ASB4: variants seen among roughly 807,000 people sequenced by gnomAD.
ASB4 encodes ankyrin repeat and SOCS box containing 4.
ASB4 carries 35 observed loss-of-function variants against 38.6 expected under a neutral mutation model. The ratio of observed to expected loss-of-function variants is 0.91; its 90% CI spans 0.69 to 1.20. The LOEUF is 1.20. Ranked by LOEUF, ASB4 falls within the 50% of genes most tolerant of loss-of-function variation. The probability of loss-of-function intolerance (pLI) is 0.00; values close to 1 mark genes in which losing one functional copy is unlikely to be tolerated. For missense variants in ASB4, 557 were observed against 527.2 expected, an observed-to-expected ratio of 1.06 and a Z score of -0.55; for synonymous variants, 195 against 201.3, an observed-to-expected ratio of 0.97 and a Z score of 0.26.
chr7:95,484,498 A>G (rs1226648875), upstream of ASB4, among the ~76,000 whole-genome samples: 1 of 152,212 alleles, frequency 6.6e-6, no homozygotes, highest in African/African-American at 2.4e-5. Flanking sequence ...TTGTTCACTA[A>G]AAATTTGACA....
intron 3 of ASB4, among the ~76,000 whole-genome samples, chr7:95,530,864 A>G (rs1280925084): frequency 2.0e-5 from 3 of 152,218 alleles, no homozygotes; most frequent in African/African-American, 7.2e-5. Context: ...GCAATAATTT[A>G]GATGAGAGAT....
At chr7:95,500,846 T>G (rs1224230938) in intron 2 of ASB4, among the ~76,000 whole-genome samples, 3 of 152,168 alleles carry the variant, frequency 2.0e-5, no homozygotes, top group Non-Finnish European at 4.4e-5. Flanking sequence ...TAGATAATAG[T>G]GACCTGTGAC....
intron 2 of ASB4, among the ~76,000 whole-genome samples, chr7:95,497,021 A>T (rs1432062770): frequency 6.6e-6 from 1 of 152,132 alleles, no homozygotes; most frequent in African/African-American, 2.4e-5. Context: ...TACTATGACC[A>T]GAGTATCATG....
chr7:95,484,830 A>G (rs967253023), upstream of ASB4, among the ~76,000 whole-genome samples: 3 of 152,030 alleles, frequency 2.0e-5, no homozygotes, highest in African/African-American at 7.2e-5. Context: ...TTTTATTTGA[A>G]AAATTTCAAA....
upstream of ASB4, among the ~76,000 whole-genome samples, chr7:95,478,122 T>A (rs985945071): frequency 1.3e-5 from 2 of 152,212 alleles, no homozygotes; most frequent in Non-Finnish European, 2.9e-5. Context: ...AAGGGAAGGA[T>A]AATTTTTTTT....
intron 1 of ASB4, among the ~76,000 whole-genome samples, chr7:95,491,339 C>A (rs1009306017): frequency 2.0e-5 from 3 of 152,118 alleles, no homozygotes; most frequent in African/African-American, 7.2e-5. Context: ...CATGGGGTAG[C>A]GTGTGAGTGG....
At chr7:95,543,935 T>C (rs1270144359), downstream of ASB4, 1 of 152,196 alleles carries the variant, frequency 6.6e-6, no homozygotes, top group African/African-American at 2.4e-5. Flanking sequence ...GTATTCATCA[T>C]TTTTAGAGCA....
rs1211583156 is a variant in ASB4 at position 95,527,741 on chromosome 7, C to CTTG, written c.488-69_488-67dup. The CTTG allele has an allele frequency of 4.3e-6, 6 of 1,394,098 alleles. No individual in the cohort carries two copies. In the Admixed American group the frequency reaches 1.1e-4, roughly 26 times the overall value. The allele number at this position is 1,394,098 out of a possible 1,614,324, so 86.4% of individuals were successfully genotyped here. A position where few individuals can be genotyped will look rare whatever the true frequency, so the allele number is the denominator to read the frequency against. On this transcript the variant is annotated intron_variant, in intron 2 of 4. Coordinates refer to ENST00000325885, the MANE Select transcript of ASB4 (RefSeq NM_016116.3). Reference sequence around the variant, plus strand: ...TTAAAAGAGAAGCAGTGAGAAAAGTCTTGTTTAATGAACCTTAGGAATAAT... The same window carrying CTTG: ...TTAAAAGAGAAGCAGTGAGAAAAGTCTTGTTGTTTAATGAACCTTAGGAATAAT...
rs535034589 is a variant in ASB4 at position 95,491,622 on chromosome 7, C to T, written c.188-4136C>T. ...TCTGCCTCATCAGTTAATTGTGTTT[C>T]TAGCATGCTGTGGTCATTGGTGGTT... is the stretch of plus-strand genomic sequence containing the variant. On this transcript the variant is annotated intron_variant, in intron 1 of 4. Transcript: ENST00000325885. Among the ~76,000 whole-genome samples, 3 of 152,306 alleles carry T rather than the reference C, an allele frequency of 2.0e-5. No individual in the cohort carries two copies. In the South Asian group the frequency reaches 6.2e-4, roughly 32 times the overall value.
At chr7:95,513,332 T>TGTGTGTGTG (rs1562816331) in intron 2 of ASB4, among the ~76,000 whole-genome samples, 13 of 132,216 alleles carry the variant, frequency 9.8e-5, no homozygotes, top group Non-Finnish European at 1.6e-4. Context: ...TGTGTGTGTG[T>TGTGTGTGTG]TCAGAGACAG....
At chr7:95,484,230 G>A (rs1189103374), upstream of ASB4, among the ~76,000 whole-genome samples, 4 of 152,104 alleles carry the variant, frequency 2.6e-5, no homozygotes, top group African/African-American at 9.7e-5. Context: ...TACTCCAGAG[G>A]CTGAGGTGGG....
intron 2 of ASB4, among the ~76,000 whole-genome samples, chr7:95,515,165 T>C (rs113642166): frequency 0.14 from 11,324 of 79,240 alleles, 831 homozygotes; most frequent in African/African-American, 0.25. Context: ...TTCTTTCTCT[T>C]TCTCTTTCTT....
upstream of ASB4, among the ~76,000 whole-genome samples, chr7:95,482,639 A>G (rs117472925): frequency 0.013 from 2,023 of 152,316 alleles, 59 homozygotes; most frequent in Admixed American, 0.055. Flanking sequence ...TTTCTTTCAC[A>G]AGGCAAAGAT....
Position 95,496,114 on chromosome 7 carries a change from A to T in ASB4, c.487+57A>T, listed in dbSNP as rs1423092754. The T allele has an allele frequency of 2.7e-6, 4 of 1,506,912 alleles. No individual in the cohort carries two copies. The South Asian group carries it at 4.8e-5, about 18-fold the overall frequency. 93.3% of individuals were successfully genotyped at this position (1,506,912 alleles called of 1,614,324 possible). On this transcript the variant is annotated intron_variant, in intron 2 of 4. Transcript: ENST00000325885. ...CTGCTTGTACACTCATGGTTTCAAG[A>T]CTTTGTGACCCCTACCTACCCCAGA... is the stretch of plus-strand genomic sequence containing the variant.
intron 2 of ASB4, among the ~76,000 whole-genome samples, chr7:95,498,198 C>T (rs958429930): frequency 1.2e-4 from 18 of 152,062 alleles, no homozygotes; most frequent in Admixed American, 3.9e-4. Context: ...AGGCTGGGCA[C>T]GGTGGCTCAC....
chr7:95,472,740 C>CCTCA, the ASB4 span, among the ~76,000 whole-genome samples: 1 of 152,106 alleles, frequency 6.6e-6, no homozygotes, highest in African/African-American at 2.4e-5. Flanking sequence ...TATGATAAAA[C>CCTCA]GCGGTTAACC....
At chr7:95,482,602 C>T (rs923572166), upstream of ASB4, among the ~76,000 whole-genome samples, 1 of 152,156 alleles carries the variant, frequency 6.6e-6, no homozygotes, top group Admixed American at 6.5e-5. Context: ...TTTCAAGGAC[C>T]ACGCCTGAAG....
intron 1 of ASB4, among the ~76,000 whole-genome samples, chr7:95,487,637 A>T (rs1790110768): frequency 6.6e-6 from 1 of 152,156 alleles, no homozygotes; most frequent in Non-Finnish European, 1.5e-5. Flanking sequence ...TCCTACTTCC[A>T]CCGGTGTCAT....
rs1049820315 is a variant in ASB4, at chr7:95,539,489, T to C, written c.*1730T>C. On this transcript the variant is annotated 3_prime_UTR_variant, in exon 5 of 5. Transcript: ENST00000325885. ...TAGAATGCTGAATTTGTATGAATTATTCACATAAAGCTTGATCTTTCAAAA... is the reference window on the plus strand; with the variant it reads ...TAGAATGCTGAATTTGTATGAATTACTCACATAAAGCTTGATCTTTCAAAA... 2.0e-5 allele frequency: 3 copies of C among 152,274 alleles called. No individual in the cohort carries two copies. The highest frequency in any genetic ancestry group is 7.2e-5 in the African/African-American group (3 of 41,476). The allele number at this position is 152,274 out of a possible 1,614,324, so 9.4% of individuals were successfully genotyped here. A position where few individuals can be genotyped will look rare whatever the true frequency, so the allele number is the denominator to read the frequency against.
Sources: allele counts gnomAD v4.1 joint callset (sites outside exome capture counted in the v4.1 genomes callset), GRCh38; gene constraint gnomAD v4.1.1; transcripts MANE v1.5; gene names NCBI Gene and HGNC (gene_info 2026-07-23, HGNC 2026-07-21).